Variants in BCL9L observed in about 807,000 individuals in gnomAD.
BCL9L encodes the protein BCL9 like, also known as B-cell CLL/lymphoma 9-like protein.
A neutral mutation model predicts 99.4 loss-of-function variants in BCL9L; 19 were observed. That is an observed-to-expected ratio of 0.19 (90% CI 0.13 to 0.28). The LOEUF (loss-of-function observed/expected upper bound fraction) is 0.28. Ranked by LOEUF, BCL9L falls within the 10% of genes least tolerant of loss-of-function variation. BCL9L has a pLI of 1.00. For missense variants in BCL9L, 2,023 were observed against 2,101.6 expected, an observed-to-expected ratio of 0.96 and a Z score of 0.73; for synonymous variants, 900 against 854.8, an observed-to-expected ratio of 1.05 and a Z score of -0.92.
At position 118,902,201 on chromosome 11, in the gene BCL9L, C is replaced by A. The variant is rs770655767; in HGVS notation, c.1542G>T (p.Thr514=). Residue 514 remains threonine, a synonymous_variant, in exon 8 of 10, where the codon ACG becomes ACT. Coordinates refer to ENST00000683865, the MANE Select transcript of BCL9L (RefSeq NM_001378213.1). The surrounding 1 kb of genome is among the most constrained non-coding windows in gnomAD (Gnocchi z 7.8). ...MIQRLGQDSL[T]PEQVAWRKLQ... ...GCTTGCGCCAGGCCACCTGCTCAGG[C>A]GTGAGGCTGTCCTGGCCCAGCCTCT... is the stretch of plus-strand genomic sequence containing the variant. 1 of 1,613,990 alleles carries A rather than the reference C, an allele frequency of 6.2e-7. No individual in the cohort carries two copies. The highest frequency in any genetic ancestry group is 1.1e-5 in the South Asian group (1 of 91,076).
At position 118,903,107 on chromosome 11, in the gene BCL9L, A is replaced by G; in HGVS notation, c.750-33T>C. On this transcript the variant is annotated intron_variant, in intron 6 of 9. Coordinates refer to ENST00000683865, the MANE Select transcript of BCL9L (RefSeq NM_001378213.1). The surrounding 1 kb of genome is among the most constrained non-coding windows in gnomAD (Gnocchi z 5.6). ...GAGTGGGGGCACCGACAGCTCAGAG[A>G]GGTGAGCAGGAGGGAGCCCCACCCT... The G allele has an allele frequency of 6.4e-7, 1 of 1,555,356 alleles. No homozygotes were observed. Among genetic ancestry groups the G allele is most frequent in the Non-Finnish European group, 8.7e-7 (1 of 1,154,252 alleles).
rs202042287 is a variant in BCL9L, at chr11:118,900,093, G to C, written c.3230C>G (p.Pro1077Arg). 3.2e-4 allele frequency: 518 copies of C among 1,614,018 alleles called. 4 individuals carry two copies. In the South Asian group the frequency reaches 3.6e-3, roughly 11 times the overall value. The change falls in exon 9 of 10, where the codon CCC becomes CGC. Residue 1077 changes from proline to arginine, a missense_variant. This residue lies in a region of BCL9L where 902 missense variants were observed against 888.2 expected (regional missense o/e 1.02). Coordinates refer to ENST00000683865, the MANE Select transcript of BCL9L (RefSeq NM_001378213.1). This position sits in a 1 kb window ranked among gnomAD's most constrained non-coding sequence, Gnocchi z 5.3. ...TGACAGGGGGTTCTGGGAAGGTGTG[G>C]GGTCTGGGGAGGAAGTGAATGGTAG... ...PSLPFTSSPD[P>R]TPSQNPLSLM...
At chr11:118,905,445 G>A (rs960347063) in intron 5 of BCL9L, among the ~76,000 whole-genome samples, 1 of 149,442 alleles carries the variant, frequency 6.7e-6, no homozygotes, top group Non-Finnish European at 1.5e-5. Context: ...GGAGGTGGAG[G>A]TTGCAGTGAG....
In BCL9L at chr11:118,898,813, C is replaced by A. The variant is rs1940052275; in HGVS notation, c.4102G>T (p.Glu1368Ter). The A allele has an allele frequency of 6.2e-7, 1 of 1,613,958 alleles. No homozygotes were observed. The highest frequency in any genetic ancestry group is 8.5e-7 in the Non-Finnish European group (1 of 1,180,026). The change falls in exon 10 of 10, where the codon GAG (glutamate) becomes TAG (stop). Residue 1368 changes from glutamate to a stop codon, truncating the protein, a stop_gained. Coordinates refer to ENST00000683865, the MANE Select transcript of BCL9L (RefSeq NM_001378213.1). LOFTEE classifies it high-confidence loss of function. ...HLMNLQNMMA[E>*]QTPSRPPNLP... ...TTGGGAGGCCGAGAGGGAGTCTGCT[C>A]CGCCATCATGTTCTGCAGGTTCATG...
chr11:118,924,654 C>T (rs1941236324), intron 1 of BCL9L, among the ~76,000 whole-genome samples: 1 of 152,206 alleles, frequency 6.6e-6, no homozygotes, highest in Non-Finnish European at 1.5e-5. Flanking sequence ...GGGGCCACCT[C>T]CCCTTAGCAG....
chr11:118,907,112 A>T (rs1940553939), intron 5 of BCL9L, among the ~76,000 whole-genome samples: 1 of 152,186 alleles, frequency 6.6e-6, no homozygotes, highest in Admixed American at 6.5e-5. Flanking sequence ...ACCCAGGCTT[A>T]GCAGGGCTTT....
intron 2 of BCL9L, 58 bp from the exon 3 acceptor site, chr11:118,910,073 G>C: frequency 7.8e-7 from 1 of 1,282,198 alleles, no homozygotes. Context: ...TGTCAGAGGG[G>C]GAGGGGAGAA....
In BCL9L at chr11:118,914,859, C is replaced by T. The variant is rs763699851; in HGVS notation, c.-77+3967G>A. 8.5e-5 allele frequency among the ~76,000 whole-genome samples: 13 copies of T among 152,148 alleles called. No individual in the cohort carries two copies. The highest frequency in any genetic ancestry group is 1.2e-4 in the African/African-American group (5 of 41,424). ...TGGAATAAGAACTGAGTTTGAGGGCCGGGCGCGGTGGCACACGCCTGTAAT... is the reference window on the plus strand; with the variant it reads ...TGGAATAAGAACTGAGTTTGAGGGCTGGGCGCGGTGGCACACGCCTGTAAT... On this transcript the variant is annotated intron_variant, in intron 2 of 9. Coordinates refer to ENST00000683865, the MANE Select transcript of BCL9L (RefSeq NM_001378213.1). The surrounding 1 kb of genome is among the most constrained non-coding windows in gnomAD (Gnocchi z 4.4).
intron 9 of BCL9L, 120 bp downstream of exon 9, chr11:118,899,797 C>A: frequency 7.3e-7 from 1 of 1,377,016 alleles, no homozygotes; most frequent in Middle Eastern, 2.6e-4. Flanking sequence ...ATCCCGGAGC[C>A]TCCACCCCCA....
At chr11:118,917,447 A>G (rs967028454) in intron 2 of BCL9L, among the ~76,000 whole-genome samples, 2 of 152,228 alleles carry the variant, frequency 1.3e-5, no homozygotes, top group East Asian at 1.9e-4. Flanking sequence ...GAAAAGGGAC[A>G]TGCCGAGAAG....
rs1565614419 is a variant in BCL9L, at chr11:118,900,657, T to C, written c.3086A>G (p.Asn1029Ser). The C allele has an allele frequency of 5.6e-6, 9 of 1,612,464 alleles. No individual in the cohort carries two copies. The highest frequency in any genetic ancestry group is 1.1e-5 in the South Asian group (1 of 91,028). Residue 1029 changes from asparagine (N) to serine (S), a missense_variant, in exon 8 of 10, where the codon AAC (asparagine) becomes AGC (serine). By Grantham distance (46) the Asn-to-Ser change is conservative (BLOSUM62 1). Around this residue, in one of 3 missense-constraint regions of BCL9L, gnomAD observed 902 missense variants for 888.2 expected, o/e 1.02. Coordinates refer to ENST00000683865, the MANE Select transcript of BCL9L (RefSeq NM_001378213.1). This position sits in a 1 kb window ranked among gnomAD's most constrained non-coding sequence, Gnocchi z 5.3. ...GVSQNKQPPL[N>S]MNSSTTLSNM... ...GCTCAGGGTGGTGGAAGAGTTCATG[T>C]TGAGAGGCGGCTGCTTGTTCTGGGA...
At position 118,899,026 on chromosome 11, in the gene BCL9L, C is replaced by T. The variant is rs933964892; in HGVS notation, c.3889G>A (p.Val1297Met). Reference sequence around the variant, plus strand: ...AGCACTGATGCCACCCCAGGGAGCACACCCGGTGGGTATGCGTCGCCCATG... The same window carrying T: ...AGCACTGATGCCACCCCAGGGAGCATACCCGGTGGGTATGCGTCGCCCATG... ...GRMGDAYPPGVLPGVASVLND... is the reference protein window; with the variant it reads ...GRMGDAYPPGMLPGVASVLND... The change falls in exon 10 of 10, where the codon GTG becomes ATG. Residue 1297 changes from valine (V) to methionine (M), a missense_variant. Coordinates refer to ENST00000683865, the MANE Select transcript of BCL9L (RefSeq NM_001378213.1). 1.2e-6 allele frequency: 2 copies of T among 1,613,580 alleles called. No individual in the cohort carries two copies. The highest frequency in any genetic ancestry group is 1.1e-5 in the South Asian group (1 of 91,074).
chr11:118,918,464 C>T (rs1238733106), intron 2 of BCL9L, among the ~76,000 whole-genome samples: 1 of 151,622 alleles, frequency 6.6e-6, no homozygotes, highest in African/African-American at 2.4e-5. Context: ...CCTTGCCCTC[C>T]AGGGCGATTG....
Position 118,898,246 on chromosome 11 carries a change from C to T in BCL9L, c.*169G>A, listed in dbSNP as rs1394313347. 8 of 1,001,136 alleles carry T rather than the reference C, an allele frequency of 8.0e-6. No homozygotes were observed. 62.0% of individuals were successfully genotyped at this position (1,001,136 alleles called of 1,614,324 possible). A position where few individuals can be genotyped will look rare whatever the true frequency, so the allele number is the denominator to read the frequency against. On this transcript the variant is annotated 3_prime_UTR_variant, in exon 10 of 10. Coordinates refer to ENST00000683865, the MANE Select transcript of BCL9L (RefSeq NM_001378213.1). The stretch of plus-strand genomic sequence containing the variant: ...CCCCACCCCACACTGCCACTTCCCC[C>T]TAAGCTGCCAGCACATCTGGTTTCC...
chr11:118,903,064 C>A lies in BCL9L; in HGVS notation c.760G>T (p.Ala254Ser). ...TTHLANTAAEAVLQGRADSIL... is the reference protein window; with the variant it reads ...TTHLANTAAESVLQGRADSIL... ...GAGTCGGCCCGGCCCTGCAGCACTG[C>A]CTCTGCAGCCCTGCACAGAGTGGGG... The change falls in exon 7 of 10, where the codon GCA becomes TCA. Residue 254 changes from alanine (A) to serine (S), a missense_variant. Around this residue, in one of 3 missense-constraint regions of BCL9L, gnomAD observed 1,116 missense variants for 1,194.6 expected, o/e 0.93. Coordinates refer to ENST00000683865, the MANE Select transcript of BCL9L (RefSeq NM_001378213.1). The surrounding 1 kb of genome is among the most constrained non-coding windows in gnomAD (Gnocchi z 5.6). 6.3e-7 allele frequency: 1 copy of A among 1,580,724 alleles called. No homozygotes were observed.
chr11:118,899,569 G>A, intron 9 of BCL9L, 61 bp from the exon 10 acceptor site: 1 of 1,576,818 alleles, frequency 6.3e-7, no homozygotes, highest in Non-Finnish European at 8.6e-7. Flanking sequence ...AGGGTGCAGG[G>A]CTCAGGCCTT....
intron 2 of BCL9L, among the ~76,000 whole-genome samples, chr11:118,913,263 A>T (rs186276669): frequency 6.6e-6 from 1 of 151,614 alleles, no homozygotes; most frequent in African/African-American, 2.4e-5. Context: ...CCCTAGGGTA[A>T]TGTCAGACAA....
chr11:118,902,858 T>C lies in BCL9L; in HGVS notation c.885A>G (p.Ser295=). The C allele has an allele frequency of 6.4e-7, 1 of 1,551,528 alleles. No individual in the cohort carries two copies. Among genetic ancestry groups the C allele is most frequent in the Non-Finnish European group, 8.7e-7 (1 of 1,154,894 alleles). ...TPEPLPLSTP[S]AGTPQSQPPP... is the part of the protein sequence containing the mutation. ...GTGGCTGGGACTGCGGGGTGCCTGC[T>C]GACGGCGTGCTCAGGGGTAGCGGTT... The change falls in exon 8 of 10, where the codon TCA becomes TCG. Residue 295 remains serine (S), a synonymous_variant. Transcript: ENST00000683865. This position sits in a 1 kb window ranked among gnomAD's most constrained non-coding sequence, Gnocchi z 7.8.
In BCL9L at chr11:118,915,217, C is replaced by T. The variant is rs143259403; in HGVS notation, c.-77+3609G>A. On this transcript the variant is annotated intron_variant, in intron 2 of 9. Transcript: ENST00000683865. Reference sequence around the variant, plus strand: ...ATGGGGCCTTGTCCTTCCCTTTATCCCTCTGAGCCTCAGCTTCCTCATCTG... The same window carrying T: ...ATGGGGCCTTGTCCTTCCCTTTATCTCTCTGAGCCTCAGCTTCCTCATCTG... Among the ~76,000 whole-genome samples, 125 of 152,182 alleles carry T rather than the reference C, an allele frequency of 8.2e-4. 1 individual carries two copies. The highest frequency in any genetic ancestry group is 3.9e-4 in the East Asian group (2 of 5,178).
Sources: gnomAD v4.1 joint callset for allele counts (sites outside exome capture counted in the v4.1 genomes callset) on GRCh38, gnomAD v4.1.1 for gene constraint, gnomAD v4.1.1 regional missense constraint, Gnocchi (gnomAD v3.1) non-coding constraint, MANE v1.5 for transcripts, NCBI Gene and HGNC (gene_info 2026-07-23, HGNC 2026-07-21) for gene names.